Variants in KIAA1217 observed in about 807,000 individuals in gnomAD.
The protein encoded by KIAA1217 is KIAA1217.
Under a neutral mutation model 163.9 loss-of-function variants are expected in KIAA1217, and 88 were observed. The ratio of observed to expected loss-of-function variants is 0.54; its 90% CI spans 0.45 to 0.64. The LOEUF (loss-of-function observed/expected upper bound fraction) is 0.64, where lower values mean the gene tolerates loss of function less well. Ranked by LOEUF, KIAA1217 falls within the 30% of genes least tolerant of loss-of-function variation. KIAA1217 has a pLI of 0.00. For missense variants in KIAA1217, 2,372 were observed against 2,475.0 expected, an observed-to-expected ratio of 0.96 and a Z score of 0.88; for synonymous variants, 903 against 923.1, an observed-to-expected ratio of 0.98 and a Z score of 0.39.
At chr10:24,085,118 G>T (rs1184416175) in intron 2 of KIAA1217, among the ~76,000 whole-genome samples, 1 of 151,994 alleles carries the variant, frequency 6.6e-6, no homozygotes, top group Non-Finnish European at 1.5e-5. Flanking sequence ...GTTTCACCGT[G>T]TTAGCCAGGA....
At chr10:24,415,071 GC>G (rs1212899042) in intron 3 of KIAA1217, among the ~76,000 whole-genome samples, 1 of 151,488 alleles carries the variant, frequency 6.6e-6, no homozygotes, top group Non-Finnish European at 1.5e-5. Flanking sequence ...ATGGTTGGAG[GC>G]CCGGCAGTCT....
chr10:23,893,340 C>T (rs1841497914), intron 1 of KIAA1217, among the ~76,000 whole-genome samples: 1 of 151,804 alleles, frequency 6.6e-6, no homozygotes, highest in Non-Finnish European at 1.5e-5. Flanking sequence ...TGGTGATATC[C>T]CCTTTATCAT....
chr10:24,479,268 G>A (rs1177535905), intron 6 of KIAA1217, among the ~76,000 whole-genome samples: 1 of 151,980 alleles, frequency 6.6e-6, no homozygotes, highest in Non-Finnish European at 1.5e-5. Flanking sequence ...ACTTTTAGGG[G>A]TGAGATGGAT....
chr10:23,703,804 T>C (rs1471317794), intron 1 of KIAA1217, among the ~76,000 whole-genome samples: 1 of 152,076 alleles, frequency 6.6e-6, no homozygotes, highest in Non-Finnish European at 1.5e-5. Flanking sequence ...ACTTGTTGTA[T>C]AAAGGCCCAG....
At chr10:23,991,105 T>C (rs1846199142) in intron 1 of KIAA1217, among the ~76,000 whole-genome samples, 1 of 152,204 alleles carries the variant, frequency 6.6e-6, no homozygotes, top group Non-Finnish European at 1.5e-5. Context: ...ATTGTCAAAT[T>C]CTGCATCCAT....
intron 2 of KIAA1217, among the ~76,000 whole-genome samples, chr10:24,250,316 A>C (rs1024974000): frequency 8.5e-5 from 13 of 152,178 alleles, no homozygotes; most frequent in African/African-American, 3.1e-4. Context: ...CTTGGTTCAC[A>C]AAAGAGTGCT....
At chr10:23,724,149 A>G (rs961319275) in intron 1 of KIAA1217, among the ~76,000 whole-genome samples, 1 of 152,216 alleles carries the variant, frequency 6.6e-6, no homozygotes, top group African/African-American at 2.4e-5. Context: ...ATCTACCTGC[A>G]TGATCCAATC....
At chr10:23,723,780 T>A (rs11013660) in intron 1 of KIAA1217, among the ~76,000 whole-genome samples, 43,076 of 151,886 alleles carry the variant, frequency 0.28, 7,642 homozygotes, top group African/African-American at 0.5. Context: ...TGATTTTTTT[T>A]AAAAAATGTT....
At chr10:24,527,807 C>G (rs2072435960) in intron 13 of KIAA1217, 129 bp from the exon 14 acceptor site, 6 of 660,806 alleles carry the variant, frequency 9.1e-6, no homozygotes, top group Non-Finnish European at 1.6e-5. Flanking sequence ...AGGTCTTAAG[C>G]CCAGTACCCA....
intron 2 of KIAA1217, among the ~76,000 whole-genome samples, chr10:24,059,013 G>T (rs2060624024): frequency 6.6e-6 from 1 of 152,122 alleles, no homozygotes; most frequent in Non-Finnish European, 1.5e-5. Context: ...TGTTAGCCAT[G>T]AGCTTGTCAT....
intron 1 of KIAA1217, among the ~76,000 whole-genome samples, chr10:23,746,361 C>A (rs148054868): frequency 1.3e-3 from 195 of 152,280 alleles, no homozygotes; most frequent in South Asian, 8.3e-3. Flanking sequence ...GCCTGAGGAA[C>A]CGTGAGCCAA....
chr10:24,381,928 T>C (rs916506238), intron 3 of KIAA1217, among the ~76,000 whole-genome samples: 2 of 151,944 alleles, frequency 1.3e-5, no homozygotes, highest in Non-Finnish European at 2.9e-5. Context: ...CACTACCACG[T>C]GAAAGGATAG....
chr10:23,824,631 G>GAA (rs1216051100), intron 1 of KIAA1217, among the ~76,000 whole-genome samples: 17 of 11,378 alleles, frequency 1.5e-3, no homozygotes, highest in South Asian at 3.0e-3. Flanking sequence ...TCTGTCTCAA[G>GAA]AAAAAAAAAA....
At chr10:23,770,678 A>G (rs11812868) in intron 1 of KIAA1217, among the ~76,000 whole-genome samples, 52,004 of 152,072 alleles carry the variant, frequency 0.34, 10,839 homozygotes, top group Non-Finnish European at 0.47. Context: ...CCACTGAGTC[A>G]ATGTAGGTTT....
chr10:24,472,495 T>C (rs887803402), intron 5 of KIAA1217, among the ~76,000 whole-genome samples: 4 of 152,130 alleles, frequency 2.6e-5, no homozygotes, highest in African/African-American at 9.7e-5. Context: ...GGGCTAACAG[T>C]AGAAAAACGT....
intron 2 of KIAA1217, among the ~76,000 whole-genome samples, chr10:24,299,671 AT>A (rs1421105621): frequency 2.6e-5 from 4 of 152,148 alleles, no homozygotes; most frequent in African/African-American, 9.7e-5. Flanking sequence ...AAGTACTGGG[AT>A]TACAGGCATG....
chr10:24,432,744 T>C (rs1165980282), intron 3 of KIAA1217, among the ~76,000 whole-genome samples: 1 of 152,202 alleles, frequency 6.6e-6, no homozygotes, highest in Non-Finnish European at 1.5e-5. Flanking sequence ...CATAAGCCAT[T>C]GCACCCAGCC....
At chr10:24,535,948 G>A (rs1304982694) in intron 16 of KIAA1217, among the ~76,000 whole-genome samples, 1 of 151,688 alleles carries the variant, frequency 6.6e-6, no homozygotes, top group East Asian at 1.9e-4. Flanking sequence ...TTTTTAACCT[G>A]GGTGGTATAT....
intron 5 of KIAA1217, among the ~76,000 whole-genome samples, chr10:24,453,150 C>T (rs2061512542): frequency 6.6e-6 from 1 of 152,166 alleles, no homozygotes; most frequent in Non-Finnish European, 1.5e-5. Flanking sequence ...TTCCCAAGAC[C>T]AGACCCTTGT....
Sources: allele counts gnomAD v4.1 joint callset (sites outside exome capture counted in the v4.1 genomes callset), GRCh38; gene constraint gnomAD v4.1.1; transcripts MANE v1.5; gene names NCBI Gene and HGNC (gene_info 2026-07-23, HGNC 2026-07-21).